Variants in PYHIN1 observed in about 807,000 individuals in gnomAD.
PYHIN1 encodes pyrin and HIN domain family member 1, also known as pyrin and HIN domain-containing protein 1.
A neutral mutation model predicts 43.7 loss-of-function variants in PYHIN1; 32 were observed. The ratio of observed to expected loss-of-function variants is 0.73; its 90% CI spans 0.55 to 0.98. The LOEUF is 0.98. Among genes scored for constraint, PYHIN1 ranks in the 50% least tolerant of loss-of-function variants. PYHIN1 has a pLI of 0.00. For synonymous variants in PYHIN1, 205 were observed against 203.1 expected (o/e 1.01, Z -0.08); for missense variants, 588 against 589.5 (o/e 1.00, Z 0.03).
At chr1:158,938,977 GA>G in intron 3 of PYHIN1, 102 bp from the exon 4 acceptor site, 1 of 926,584 alleles carries the variant, frequency 1.1e-6, no homozygotes, top group Non-Finnish European at 1.5e-6. Context: ...AAGTTTCCAA[GA>G]AAAACAATTT....
intron 7 of PYHIN1, among the ~76,000 whole-genome samples, chr1:158,952,200 C>T (rs1402666620): frequency 6.7e-6 from 1 of 148,982 alleles, no homozygotes; most frequent in Non-Finnish European, 1.5e-5. Context: ...CCCCAGCAGT[C>T]TAGCTCCTGC....
intron 7 of PYHIN1, among the ~76,000 whole-genome samples, chr1:158,951,624 T>G (rs1037760606): frequency 1.3e-5 from 2 of 152,186 alleles, no homozygotes; most frequent in Admixed American, 6.5e-5. Context: ...GTTAAAGCAT[T>G]AGGTGTGTGG....
chr1:158,987,710 C>T, the PYHIN1 span, among the ~76,000 whole-genome samples: 946 of 152,112 alleles, frequency 6.2e-3, 11 homozygotes, highest in Middle Eastern at 0.041. Context: ...CTAATTTTTT[C>T]ATATGATATG....
the PYHIN1 span, among the ~76,000 whole-genome samples, chr1:158,986,314 C>T: frequency 3.9e-4 from 60 of 152,116 alleles, no homozygotes; most frequent in Non-Finnish European, 6.3e-4. Flanking sequence ...GAGTGTCTAG[C>T]TGTGCTATAA....
At chr1:158,979,898 A>G (rs1036841601), downstream of PYHIN1, among the ~76,000 whole-genome samples, 3 of 152,244 alleles carry the variant, frequency 2.0e-5, no homozygotes, top group East Asian at 1.9e-4. Context: ...TCGACCTTTA[A>G]GTAAACCACC....
the PYHIN1 span, among the ~76,000 whole-genome samples, chr1:158,983,942 G>T: frequency 3.3e-5 from 1 of 30,310 alleles, no homozygotes; most frequent in African/African-American, 5.4e-5. Flanking sequence ...TGTTCATAAT[G>T]GTCTTTGAGA....
intron 1 of PYHIN1, among the ~76,000 whole-genome samples, chr1:158,932,394 C>T (rs1331947210): frequency 6.6e-6 from 1 of 152,138 alleles, no homozygotes; most frequent in Non-Finnish European, 1.5e-5. Flanking sequence ...AGACAACAAG[C>T]CTCAGCGACA....
rs778861886 is a variant in PYHIN1, at chr1:158,937,156, T to TA, written c.250dup (p.Arg84LysfsTer9). On this transcript the variant is annotated frameshift_variant, in exon 2 of 9. Transcript: ENST00000368140. LOFTEE classifies it high-confidence loss of function. Reference sequence around the variant, plus strand: ...CACTGGGAGACCTTGCTGAAACTCTTAAAAGAGAAAAGTTAAAAGGTAATT... The same window carrying TA: ...CACTGGGAGACCTTGCTGAAACTCTTAAAAAGAGAAAAGTTAAAAGGTAATT... The TA allele has an allele frequency of 5.7e-6, 9 of 1,592,082 alleles. No homozygotes were observed. The South Asian group carries it at 1.0e-4, about 18-fold the overall frequency.
chr1:158,964,637 A>G (rs1650518833), intron 7 of PYHIN1, among the ~76,000 whole-genome samples: 1 of 152,198 alleles, frequency 6.6e-6, no homozygotes, highest in Admixed American at 6.5e-5. Flanking sequence ...CAGCCAAACA[A>G]AGCATCAAAA....
chr1:158,968,964 G>T (rs1571779953), intron 7 of PYHIN1, among the ~76,000 whole-genome samples: 1 of 151,952 alleles, frequency 6.6e-6, no homozygotes, highest in Non-Finnish European at 1.5e-5. Context: ...TAATACCTGG[G>T]TGATGAAATA....
chr1:158,969,250 A>G (rs1270733775), intron 7 of PYHIN1, among the ~76,000 whole-genome samples: 3 of 151,982 alleles, frequency 2.0e-5, no homozygotes, highest in Non-Finnish European at 4.4e-5. Context: ...AGGTTCTGCA[A>G]GGCTTCGCAT....
At chr1:158,963,182 C>T (rs920229842) in intron 7 of PYHIN1, among the ~76,000 whole-genome samples, 1 of 152,216 alleles carries the variant, frequency 6.6e-6, no homozygotes, top group African/African-American at 2.4e-5. Context: ...ACTGCTGCTG[C>T]AGTGGTACTG....
chr1:158,941,744 T>G (rs1484931457), intron 4 of PYHIN1, among the ~76,000 whole-genome samples: 1 of 152,222 alleles, frequency 6.6e-6, no homozygotes, highest in East Asian at 1.9e-4. Context: ...TATCTTACAT[T>G]TTAAGGATTA....
chr1:158,964,305 A>T (rs1408512668), intron 7 of PYHIN1, among the ~76,000 whole-genome samples: 1 of 152,236 alleles, frequency 6.6e-6, no homozygotes, highest in African/African-American at 2.4e-5. Context: ...AACATATTTC[A>T]GGATATCATC....
chr1:158,967,746 A>G (rs1004875037), intron 7 of PYHIN1, among the ~76,000 whole-genome samples: 4 of 152,246 alleles, frequency 2.6e-5, no homozygotes, highest in Admixed American at 1.3e-4. Flanking sequence ...AAAAACAGAC[A>G]CATAGACCAA....
intron 7 of PYHIN1, among the ~76,000 whole-genome samples, chr1:158,966,466 A>C (rs1420222661): frequency 3.3e-5 from 5 of 152,156 alleles, no homozygotes; most frequent in Admixed American, 6.5e-5. Flanking sequence ...ACATGCAAAA[A>C]TCCTCAAAAA....
intron 5 of PYHIN1, among the ~76,000 whole-genome samples, chr1:158,943,242 G>T (rs1250586459): frequency 6.6e-6 from 1 of 152,152 alleles, no homozygotes; most frequent in Non-Finnish European, 1.5e-5. Flanking sequence ...CATCCAGAAC[G>T]ATGAGTAATA....
Position 158,973,520 on chromosome 1 carries a change from CACACACACACACACACAT to C in PYHIN1, c.1360-125_1360-108del. 7.0e-6 allele frequency: 6 copies of C among 862,664 alleles called. No homozygotes were observed. The African/African-American group carries it at 8.6e-5, about 12-fold the overall frequency. The allele number at this position is 862,664 out of a possible 1,614,324, so 53.4% of individuals were successfully genotyped here. On this transcript the variant is annotated intron_variant, in intron 7 of 8. Transcript: ENST00000368140. Reference sequence around the variant, plus strand: ...AAAGGGATTTTCACACACACACACACACACACACACACACACATATACACACATGTATTACATCCAACT... The same window carrying C: ...AAAGGGATTTTCACACACACACACACATACACACATGTATTACATCCAACT...
chr1:158,989,983 A>G, the PYHIN1 span, among the ~76,000 whole-genome samples: 14 of 151,080 alleles, frequency 9.3e-5, no homozygotes, highest in African/African-American at 3.5e-4. Context: ...ATTCTCTGGT[A>G]GCTATTAAGA....
Sources: gnomAD v4.1 joint callset for allele counts (sites outside exome capture counted in the v4.1 genomes callset) on GRCh38, gnomAD v4.1.1 for gene constraint, MANE v1.5 for transcripts, NCBI Gene and HGNC (gene_info 2026-07-23, HGNC 2026-07-21) for gene names.